PCDH15: variants seen among roughly 807,000 people sequenced by gnomAD.
The protein encoded by PCDH15 is protocadherin-15.
A neutral mutation model predicts 178.5 loss-of-function variants in PCDH15; 129 were observed. That is an observed-to-expected ratio of 0.72 (90% CI 0.63 to 0.84). The LOEUF (loss-of-function observed/expected upper bound fraction) is 0.84. Ranked by LOEUF, PCDH15 falls within the 40% of genes least tolerant of loss-of-function variation. The probability of loss-of-function intolerance (pLI) is 0.00; values close to 1 mark genes in which losing one functional copy is unlikely to be tolerated. For synonymous variants in PCDH15, 800 were observed against 732.0 expected, an observed-to-expected ratio of 1.09 and a Z score of -1.50; for missense variants, 2,230 against 2,099.9, an observed-to-expected ratio of 1.06 and a Z score of -1.21.
intron 2 of PCDH15, among the ~76,000 whole-genome samples, chr10:55,619,121 C>T (rs950696806): frequency 4.6e-5 from 7 of 151,934 alleles, no homozygotes; most frequent in African/African-American, 1.7e-4. Flanking sequence ...AATGCAACCA[C>T]GTATGTTGAT....
At chr10:55,507,575 A>G (rs73269363) in intron 2 of PCDH15, among the ~76,000 whole-genome samples, 12 of 151,528 alleles carry the variant, frequency 7.9e-5, no homozygotes, top group African/African-American at 2.9e-4. Context: ...TTAAAATTTG[A>G]GATGGAGTTT....
chr10:55,064,485 G>A (rs1416105540), intron 2 of PCDH15, among the ~76,000 whole-genome samples: 2 of 151,902 alleles, frequency 1.3e-5, no homozygotes, highest in Non-Finnish European at 2.9e-5. Context: ...ATATTAGGTT[G>A]GGGCATATAA....
chr10:54,998,578 A>G (rs1407090068), intron 2 of PCDH15, among the ~76,000 whole-genome samples: 1 of 152,156 alleles, frequency 6.6e-6, no homozygotes, highest in African/African-American at 2.4e-5. Flanking sequence ...ACTAATTAAC[A>G]TTGTTCATAG....
chr10:55,300,660 A>C (rs939734941), intron 1 of PCDH15, among the ~76,000 whole-genome samples: 1 of 152,206 alleles, frequency 6.6e-6, no homozygotes, highest in African/African-American at 2.4e-5. Context: ...CAAGTATTAC[A>C]TTCAAAATTG....
At chr10:54,240,074 C>T (rs2055076431) in intron 8 of PCDH15, among the ~76,000 whole-genome samples, 2 of 152,006 alleles carry the variant, frequency 1.3e-5, no homozygotes, top group African/African-American at 2.4e-5. Context: ...GAAGAAACAA[C>T]ATAAATAACA....
intron 2 of PCDH15, among the ~76,000 whole-genome samples, chr10:55,380,786 T>C (rs1001440351): frequency 6.6e-6 from 1 of 152,180 alleles, no homozygotes; most frequent in East Asian, 1.9e-4. Flanking sequence ...GGAAATCTCA[T>C]GACTTCTGCC....
At chr10:55,581,415 A>T (rs778785886) in intron 2 of PCDH15, among the ~76,000 whole-genome samples, 1 of 151,884 alleles carries the variant, frequency 6.6e-6, no homozygotes, top group Admixed American at 6.6e-5. Context: ...TTAATTTTCA[A>T]TCTAAATAGA....
intron 2 of PCDH15, among the ~76,000 whole-genome samples, chr10:54,655,252 AAGAAAGAGAGAGAGAGAGAGAGAGAG>A (rs1353654757): frequency 8.6e-5 from 4 of 46,290 alleles, no homozygotes; most frequent in African/African-American, 2.6e-4. Context: ...GAAAGAAAGA[AAGAAAGAGAGAGAGAGAGAGAGAGAG>A]AGAGAGAGAG....
chr10:54,959,241 C>T (rs982814450), intron 2 of PCDH15, among the ~76,000 whole-genome samples: 7 of 151,820 alleles, frequency 4.6e-5, no homozygotes, highest in Non-Finnish European at 8.9e-5. Context: ...AAGAATTTAA[C>T]ATAAAAATAG....
At chr10:54,914,485 A>G (rs1591780288) in intron 2 of PCDH15, among the ~76,000 whole-genome samples, 1 of 152,134 alleles carries the variant, frequency 6.6e-6, no homozygotes, top group African/African-American at 2.4e-5. Flanking sequence ...GTAAAACTTC[A>G]TCTGAGATTT....
At chr10:55,330,518 ATTTC>A (rs1460594181) in intron 2 of PCDH15, among the ~76,000 whole-genome samples, 1 of 151,910 alleles carries the variant, frequency 6.6e-6, no homozygotes, top group Non-Finnish European at 1.5e-5. Context: ...TTCTACATGC[ATTTC>A]CACTGAAAAA....
At chr10:53,843,769 T>C (rs1299250064) in intron 28 of PCDH15, among the ~76,000 whole-genome samples, 1 of 152,146 alleles carries the variant, frequency 6.6e-6, no homozygotes, top group Non-Finnish European at 1.5e-5. Context: ...GGGCTTTTCA[T>C]AAAATTATAG....
At chr10:54,239,518 T>A (rs1229846864) in intron 8 of PCDH15, among the ~76,000 whole-genome samples, 1 of 151,800 alleles carries the variant, frequency 6.6e-6, no homozygotes, top group Non-Finnish European at 1.5e-5. Context: ...TGTGAGTATC[T>A]CAGGATACTG....
chr10:54,343,080 T>G (rs970537206), intron 6 of PCDH15, among the ~76,000 whole-genome samples: 5 of 152,144 alleles, frequency 3.3e-5, no homozygotes, highest in African/African-American at 1.2e-4. Context: ...ATTTAAGACT[T>G]TAGGGAACTA....
intron 8 of PCDH15, among the ~76,000 whole-genome samples, chr10:54,300,887 C>T (rs1029868195): frequency 2.0e-5 from 3 of 152,164 alleles, no homozygotes; most frequent in African/African-American, 7.2e-5. Context: ...GCCACCTGAG[C>T]TGGCAGCGGC....
At chr10:54,515,145 C>T (rs893481659) in intron 3 of PCDH15, among the ~76,000 whole-genome samples, 26 of 152,292 alleles carry the variant, frequency 1.7e-4, no homozygotes, top group Admixed American at 2.6e-4. Context: ...GTGGGTGCAG[C>T]GCACCGTGCA....
intron 2 of PCDH15, among the ~76,000 whole-genome samples, chr10:54,662,951 A>G (rs966679175): frequency 6.6e-6 from 1 of 151,974 alleles, no homozygotes; most frequent in Non-Finnish European, 1.5e-5. Context: ...CTGCAGATTC[A>G]CAATCTCCAT....
chr10:54,489,223 T>C (rs2079365010), intron 3 of PCDH15, among the ~76,000 whole-genome samples: 1 of 152,120 alleles, frequency 6.6e-6, no homozygotes, highest in African/African-American at 2.4e-5. Context: ...TGACCTTTTA[T>C]TGTTCTCAAA....
intron 3 of PCDH15, among the ~76,000 whole-genome samples, chr10:54,462,024 A>G (rs2077194670): frequency 6.6e-6 from 1 of 152,098 alleles, no homozygotes; most frequent in Admixed American, 6.6e-5. Flanking sequence ...CTTAATATAT[A>G]ATCATGTTAC....
Sources: gnomAD v4.1 joint callset for allele counts (sites outside exome capture counted in the v4.1 genomes callset) on GRCh38, gnomAD v4.1.1 for gene constraint, MANE v1.5 for transcripts, NCBI Gene and HGNC (gene_info 2026-07-23, HGNC 2026-07-21) for gene names.